CREB5: variants seen among roughly 807,000 people sequenced by gnomAD.
CREB5 encodes cyclic AMP-responsive element-binding protein 5.
Under a neutral mutation model 57.1 loss-of-function variants are expected in CREB5, and 19 were observed. The ratio of observed to expected loss-of-function variants is 0.33; its 90% CI spans 0.23 to 0.49. The LOEUF is 0.49. CREB5 is among the 20% of genes least tolerant of loss of function. CREB5 has a pLI of 0.99. For missense variants in CREB5, 579 were observed against 671.6 expected (o/e 0.86, Z 1.52); for synonymous variants, 238 against 238.3 (o/e 1.00, Z 0.01).
At chr7:28,320,924 G>A (rs1274476059) in intron 1 of CREB5, among the ~76,000 whole-genome samples, 2 of 152,196 alleles carry the variant, frequency 1.3e-5, no homozygotes, top group Non-Finnish European at 2.9e-5. Flanking sequence ...GTAATGCAGA[G>A]AGGCAGAATG....
At chr7:28,605,652 C>T (rs1398933580) in intron 5 of CREB5, among the ~76,000 whole-genome samples, 1 of 152,168 alleles carries the variant, frequency 6.6e-6, no homozygotes, top group Non-Finnish European at 1.5e-5. Flanking sequence ...AAATGGCACT[C>T]GTCCATCTCT....
chr7:28,630,640 A>G (rs1400510712), intron 5 of CREB5, among the ~76,000 whole-genome samples: 1 of 152,224 alleles, frequency 6.6e-6, no homozygotes, highest in Non-Finnish European at 1.5e-5. Flanking sequence ...AAAACAAGCA[A>G]TGCGTAAAGC....
At chr7:28,598,416 C>A (rs1796772612) in intron 5 of CREB5, among the ~76,000 whole-genome samples, 1 of 152,148 alleles carries the variant, frequency 6.6e-6, no homozygotes, top group African/African-American at 2.4e-5. Context: ...GATGAGCAAC[C>A]ATTCCGAGGG....
intron 5 of CREB5, among the ~76,000 whole-genome samples, chr7:28,642,061 T>C (rs2036621693): frequency 1.3e-5 from 2 of 152,202 alleles, no homozygotes; most frequent in Admixed American, 1.3e-4. Flanking sequence ...ATGGCCTTTA[T>C]CCAACCCAGC....
At chr7:28,416,574 T>A (rs191997203) in intron 1 of CREB5, among the ~76,000 whole-genome samples, 1 of 152,134 alleles carries the variant, frequency 6.6e-6, no homozygotes, top group Non-Finnish European at 1.5e-5. Flanking sequence ...TGGTGCACCA[T>A]CATGAAGGGT....
At chr7:28,423,090 C>T (rs755998614) in intron 1 of CREB5, among the ~76,000 whole-genome samples, 6 of 152,106 alleles carry the variant, frequency 3.9e-5, no homozygotes, top group Non-Finnish European at 7.4e-5. Flanking sequence ...TCCCTTCTTC[C>T]TTTTCTCCTG....
At chr7:28,356,975 CG>C (rs1786358652) in intron 1 of CREB5, among the ~76,000 whole-genome samples, 7 of 152,150 alleles carry the variant, frequency 4.6e-5, no homozygotes, top group Admixed American at 1.3e-4. Context: ...CTCTACCACA[CG>C]TGATTATATA....
chr7:28,544,424 A>G (rs1794334187), intron 4 of CREB5, among the ~76,000 whole-genome samples: 1 of 152,174 alleles, frequency 6.6e-6, no homozygotes, highest in Non-Finnish European at 1.5e-5. Context: ...ATCTCTTTTT[A>G]ATATAATAAC....
At chr7:28,707,368 A>G (rs1318871270) in intron 5 of CREB5, among the ~76,000 whole-genome samples, 1 of 152,240 alleles carries the variant, frequency 6.6e-6, no homozygotes, top group African/African-American at 2.4e-5. Flanking sequence ...CATGGATATT[A>G]CAGCCACGTA....
At chr7:28,569,156 CT>C (rs754353559) in intron 4 of CREB5, among the ~76,000 whole-genome samples, 2,925 of 146,374 alleles carry the variant, frequency 0.02, 93 homozygotes, top group African/African-American at 0.065. Context: ...CTTTTCTTTT[CT>C]TTTTTTTTTT....
At chr7:28,331,531 G>A (rs1461970423) in intron 1 of CREB5, among the ~76,000 whole-genome samples, 1 of 152,096 alleles carries the variant, frequency 6.6e-6, no homozygotes, top group East Asian at 1.9e-4. Flanking sequence ...AATCTTGTAT[G>A]GGGATGCCAG....
chr7:28,793,612 T>C (rs988182890), intron 7 of CREB5, among the ~76,000 whole-genome samples: 2 of 152,180 alleles, frequency 1.3e-5, no homozygotes, highest in African/African-American at 4.8e-5. Context: ...CCTCTGGGAA[T>C]GGAGCAAAGG....
At chr7:28,323,635 T>C (rs760606682) in intron 1 of CREB5, among the ~76,000 whole-genome samples, 4 of 152,162 alleles carry the variant, frequency 2.6e-5, no homozygotes, top group African/African-American at 4.8e-5. Context: ...CTACTCTGTC[T>C]AGGGCAGTGA....
chr7:28,559,943 G>A (rs914095721), intron 4 of CREB5, among the ~76,000 whole-genome samples: 1 of 152,150 alleles, frequency 6.6e-6, no homozygotes, highest in African/African-American at 2.4e-5. Flanking sequence ...GATAACAGGT[G>A]GAATACCTTT....
chr7:28,809,338 G>T lies in CREB5; in HGVS notation c.1178G>T (p.Arg393Ile), dbSNP rs1430753556. ...AACCGGGCAGCTGCCACCCGCTGCA[G>T]ACAGAAGAGGAAGGTCTGGGTGATG... The part of the protein sequence containing the change: ...ERNRAAATRC[R>I]QKRKVWVMSL... The change falls in exon 9 of 11, where the codon AGA becomes ATA. Residue 393 changes from arginine (R) to isoleucine (I), a missense_variant. By Grantham distance (97) the Arg-to-Ile change is moderately conservative. Coordinates refer to ENST00000357727, the MANE Select transcript of CREB5 (RefSeq NM_182898.4). The T allele has an allele frequency of 6.2e-7, 1 of 1,614,190 alleles. No homozygotes were observed.
intron 1 of CREB5, among the ~76,000 whole-genome samples, chr7:28,311,369 C>G (rs1167856522): frequency 6.6e-6 from 1 of 152,122 alleles, no homozygotes; most frequent in Non-Finnish European, 1.5e-5. Context: ...TGAACTTTAG[C>G]TGTTTCTGCA....
intron 1 of CREB5, among the ~76,000 whole-genome samples, chr7:28,457,695 C>T (rs984850459): frequency 5.3e-5 from 8 of 152,144 alleles, no homozygotes; most frequent in African/African-American, 1.9e-4. Flanking sequence ...GAGACCATTT[C>T]CATCTTGTCC....
At position 28,387,542 on chromosome 7, in the gene CREB5, A is replaced by G. The variant is rs1330226566; in HGVS notation, c.-25+88101A>G. Among the ~76,000 whole-genome samples the G allele has an allele frequency of 2.6e-5, 4 of 151,886 alleles. No individual in the cohort carries two copies. The East Asian group carries it at 7.7e-4, about 29-fold the overall frequency. On this transcript the variant is annotated intron_variant, in intron 1 of 9. Transcript: ENST00000396299. ...TTCTGTAGGTTGTCTGTTCGTTCTG[A>G]TGATAGTTTCTTTTGCTGTGCAGAA... is the stretch of plus-strand genomic sequence containing the variant.
At chr7:28,792,346 A>G (rs1030071048) in intron 7 of CREB5, among the ~76,000 whole-genome samples, 1 of 152,164 alleles carries the variant, frequency 6.6e-6, no homozygotes, top group African/African-American at 2.4e-5. Flanking sequence ...CACATGGAAA[A>G]AAAAAAAGCA....
Sources: gnomAD v4.1 joint callset for allele counts (sites outside exome capture counted in the v4.1 genomes callset) on GRCh38, gnomAD v4.1.1 for gene constraint, MANE v1.5 for transcripts, NCBI Gene and HGNC (gene_info 2026-07-23, HGNC 2026-07-21) for gene names.